The following NICN1 variants were observed in gnomAD, a reference collection of about 807,000 sequenced individuals.
NICN1 encodes nicolin-1.
Under a neutral mutation model 26.3 loss-of-function variants are expected in NICN1, and 18 were observed. That is an observed-to-expected ratio of 0.68 (90% CI 0.47 to 1.01). The LOEUF (loss-of-function observed/expected upper bound fraction) is 1.01, where lower values mean the gene tolerates loss of function less well. NICN1 is among the 50% of genes least tolerant of loss of function. The pLI, the probability that NICN1 is intolerant of heterozygous loss-of-function variation, is 0.00. For missense variants in NICN1, 239 were observed against 278.3 expected, an observed-to-expected ratio of 0.86 and a Z score of 1.00; for synonymous variants, 109 against 111.0, an observed-to-expected ratio of 0.98 and a Z score of 0.11.
intron 1 of NICN1, among the ~76,000 whole-genome samples, chr3:49,427,872 G>T (rs931090279): frequency 1.3e-5 from 2 of 152,000 alleles, no homozygotes; most frequent in East Asian, 3.9e-4. Flanking sequence ...TCCAAGGTTG[G>T]GCTCTTTAAT....
At chr3:49,427,695 A>G (rs2049186617) in intron 1 of NICN1, among the ~76,000 whole-genome samples, 1 of 152,096 alleles carries the variant, frequency 6.6e-6, no homozygotes, top group Non-Finnish European at 1.5e-5. Flanking sequence ...TAGCATATAC[A>G]AATAATTACC....
Position 49,422,423 on chromosome 3 carries a change from G to C in NICN1, c.*2410C>G, listed in dbSNP as rs774408322. Reference sequence around the variant, plus strand: ...AATGCCTGCAGGCGAAAGCCCAGACGGGCCACCACACTTACAGCCCTCTGC... The same window carrying C: ...AATGCCTGCAGGCGAAAGCCCAGACCGGCCACCACACTTACAGCCCTCTGC... On this transcript the variant is annotated 3_prime_UTR_variant, in exon 6 of 6. Coordinates refer to ENST00000273598, the MANE Select transcript of NICN1 (RefSeq NM_032316.3). The C allele has an allele frequency of 5.0e-6, 8 of 1,613,304 alleles. No individual in the cohort carries two copies. In the Admixed American group the frequency reaches 6.7e-5, roughly 13 times the overall value.
In NICN1 at chr3:49,424,699, T is replaced by C. The variant is rs2049156342; in HGVS notation, c.*134A>G. 1.4e-5 allele frequency: 11 copies of C among 762,748 alleles called. No homozygotes were observed. The highest frequency in any genetic ancestry group is 3.6e-4 in the Middle Eastern group (1 of 2,812). The allele number at this position is 762,748 out of a possible 1,614,324, so 47.2% of individuals were successfully genotyped here. On this transcript the variant is annotated 3_prime_UTR_variant, in exon 6 of 6. Coordinates refer to ENST00000273598, the MANE Select transcript of NICN1 (RefSeq NM_032316.3). The stretch of plus-strand genomic sequence containing the variant: ...GGTAAGCCCCTGAGAATCCTGAATC[T>C]GTGAATGTGGCCCAGACAGAACAGG...
In NICN1 at chr3:49,423,804, G is replaced by C. The variant is rs763052849; in HGVS notation, c.*1029C>G. ...AGGGGCAACTGGGAGAAAGGATAGAGATGTGCTTTGGGCTATGTCAGATGG... is the reference window on the plus strand; with the variant it reads ...AGGGGCAACTGGGAGAAAGGATAGACATGTGCTTTGGGCTATGTCAGATGG... On this transcript the variant is annotated 3_prime_UTR_variant, in exon 6 of 6. Transcript: ENST00000273598. The C allele has an allele frequency of 6.6e-6, 1 of 152,024 alleles. No homozygotes were observed. Among genetic ancestry groups the C allele is most frequent in the Non-Finnish European group, 1.5e-5 (1 of 68,042 alleles). 9.4% of individuals were successfully genotyped at this position (152,024 alleles called of 1,614,324 possible). A position where few individuals can be genotyped will look rare whatever the true frequency, so the allele number is the denominator to read the frequency against.
Position 49,422,650 on chromosome 3 carries a change from C to A in NICN1, c.*2183G>T, listed in dbSNP as rs1230739888. 4 of 708,042 alleles carry A rather than the reference C, an allele frequency of 5.6e-6. No homozygotes were observed. Among genetic ancestry groups the A allele is most frequent in the Non-Finnish European group, 1.0e-5 (4 of 393,638 alleles). The allele number at this position is 708,042 out of a possible 1,614,324, so 43.9% of individuals were successfully genotyped here. A position where few individuals can be genotyped will look rare whatever the true frequency, so the allele number is the denominator to read the frequency against. Reference sequence around the variant, plus strand: ...GCAACCACAGGGAAGAAGCCTCCAGCTCTTTCGGCTGACTCTTCAGGGCAG... The same window carrying A: ...GCAACCACAGGGAAGAAGCCTCCAGATCTTTCGGCTGACTCTTCAGGGCAG... On this transcript the variant is annotated 3_prime_UTR_variant, in exon 6 of 6. Coordinates refer to ENST00000273598, the MANE Select transcript of NICN1 (RefSeq NM_032316.3).
Position 49,425,413 on chromosome 3 carries a change from C to A in NICN1, c.449G>T (p.Trp150Leu). The A allele has an allele frequency of 6.2e-7, 1 of 1,613,106 alleles. No homozygotes were observed. Among genetic ancestry groups the A allele is most frequent in the South Asian group, 1.1e-5 (1 of 90,744 alleles). ...CTCACAGGGCACTGGGTGGGAGAGCCACTTGGGAAAGGTCACGGAGGGGCT... is the reference window on the plus strand; with the variant it reads ...CTCACAGGGCACTGGGTGGGAGAGCAACTTGGGAAAGGTCACGGAGGGGCT... ...PKSPSVTFPK[W>L]LSHPVPCEQP... The change falls in exon 4 of 6, where the codon TGG (tryptophan) becomes TTG (leucine). Residue 150 changes from tryptophan (W) to leucine (L), a missense_variant. By Grantham distance (61) the Trp-to-Leu change is moderately conservative. Transcript: ENST00000273598.
At chr3:49,427,827 G>C (rs1312928597) in intron 1 of NICN1, among the ~76,000 whole-genome samples, 1 of 152,070 alleles carries the variant, frequency 6.6e-6, no homozygotes, top group Non-Finnish European at 1.5e-5. Context: ...CAAATAAATT[G>C]TCCTGGCTTC....
chr3:49,425,450 A>G lies in NICN1; in HGVS notation c.424-12T>C. On this transcript the variant is annotated splice_polypyrimidine_tract_variant and intron_variant, in intron 3 of 5. Transcript: ENST00000273598. ...GTCACGGAGGGGCTCTGCAAAGCAA[A>G]GATGTACTGCCCTGAGTGAGACAAA... 6.2e-7 allele frequency: 1 copy of G among 1,604,978 alleles called. No homozygotes were observed. The highest frequency in any genetic ancestry group is 2.2e-5 in the East Asian group (1 of 44,714).
In NICN1 at chr3:49,423,819, A is replaced by G. The variant is rs1385551244; in HGVS notation, c.*1014T>C. The G allele has an allele frequency of 6.6e-6, 1 of 151,928 alleles. No homozygotes were observed. The highest frequency in any genetic ancestry group is 1.5e-5 in the Non-Finnish European group (1 of 68,000). The allele number at this position is 151,928 out of a possible 1,614,324, so 9.4% of individuals were successfully genotyped here. A position where few individuals can be genotyped will look rare whatever the true frequency, so the allele number is the denominator to read the frequency against. Reference sequence around the variant, plus strand: ...AAAGGATAGAGATGTGCTTTGGGCTATGTCAGATGGCAGAAGGGTCCCAGT... The same window carrying G: ...AAAGGATAGAGATGTGCTTTGGGCTGTGTCAGATGGCAGAAGGGTCCCAGT... On this transcript the variant is annotated 3_prime_UTR_variant, in exon 6 of 6. Transcript: ENST00000273598.
Position 49,423,971 on chromosome 3 carries a change from T to G in NICN1, c.*862A>C, listed in dbSNP as rs2049147331. Reference sequence around the variant, plus strand: ...TTCAAGAGATTCTCCTGCCTCAGCCTCCCAAGTAGCTGGGATTACAGGTGC... The same window carrying G: ...TTCAAGAGATTCTCCTGCCTCAGCCGCCCAAGTAGCTGGGATTACAGGTGC... On this transcript the variant is annotated 3_prime_UTR_variant, in exon 6 of 6. Coordinates refer to ENST00000273598, the MANE Select transcript of NICN1 (RefSeq NM_032316.3). 1 of 152,050 alleles carries G rather than the reference T, an allele frequency of 6.6e-6. No individual in the cohort carries two copies. The highest frequency in any genetic ancestry group is 1.5e-5 in the Non-Finnish European group (1 of 68,060). 9.4% of individuals were successfully genotyped at this position (152,050 alleles called of 1,614,324 possible).
chr3:49,428,675 C>T lies in NICN1; in HGVS notation c.132+433G>A, dbSNP rs572739130. On this transcript the variant is annotated intron_variant, in intron 1 of 5. Transcript: ENST00000273598. ...GGCAGAGGTTGCGGTGAGCCGAGAT[C>T]GTGCCATTGCACTCCAGCCTGGGCA... 1.3e-4 allele frequency among the ~76,000 whole-genome samples: 19 copies of T among 148,478 alleles called. No homozygotes were observed. The South Asian group carries it at 3.8e-3, about 30-fold the overall frequency.
In NICN1 at chr3:49,429,213, A is replaced by C. The variant is rs766321646; in HGVS notation, c.27T>G (p.His9Gln). ...CCTGGAGGGCTACGGAGCCTTTCACATGGCAAGGCACCAAAACGCGGGACA... is the reference window on the plus strand; with the variant it reads ...CCTGGAGGGCTACGGAGCCTTTCACCTGGCAAGGCACCAAAACGCGGGACA... MSRVLVPC[H>Q]VKGSVALQVG... is the part of the protein sequence containing the mutation. Residue 9 changes from histidine to glutamine, a missense_variant, in exon 1 of 6, where the codon CAT becomes CAG. Transcript: ENST00000273598. 6 of 1,608,086 alleles carry C rather than the reference A, an allele frequency of 3.7e-6. No individual in the cohort carries two copies. Among genetic ancestry groups the C allele is most frequent in the Admixed American group, 3.4e-5 (2 of 59,464 alleles).
Position 49,426,303 on chromosome 3 carries a change from G to A in NICN1, c.258C>T (p.Asp86=). ...CCTGGGCTCCCTCCTCACTGTGTGGGTCAGGCATTAGGCAGTAGTCCCGCA... is the reference window on the plus strand; with the variant it reads ...CCTGGGCTCCCTCCTCACTGTGTGGATCAGGCATTAGGCAGTAGTCCCGCA... ...TCLRDYCLMP[D]PHSEEGAQEY... Residue 86 remains aspartate, a synonymous_variant, in exon 2 of 6, where the codon GAC becomes GAT. Coordinates refer to ENST00000273598, the MANE Select transcript of NICN1 (RefSeq NM_032316.3). 2.5e-6 allele frequency: 4 copies of A among 1,614,240 alleles called. No individual in the cohort carries two copies. The highest frequency in any genetic ancestry group is 3.4e-6 in the Non-Finnish European group (4 of 1,180,050).
At chr3:49,427,435 G>A (rs1340191887) in intron 1 of NICN1, among the ~76,000 whole-genome samples, 1 of 151,714 alleles carries the variant, frequency 6.6e-6, no homozygotes, top group Non-Finnish European at 1.5e-5. Flanking sequence ...AAGTTCAGGA[G>A]TTCGAGACCA....
At position 49,422,799 on chromosome 3, in the gene NICN1, C is replaced by G; in HGVS notation, c.*2034G>C. Reference sequence around the variant, plus strand: ...AAAGGGCTGAAAGGTCTGAATCATACCTTTAGGACCTCAAGAGAGTAAGGT... The same window carrying G: ...AAAGGGCTGAAAGGTCTGAATCATAGCTTTAGGACCTCAAGAGAGTAAGGT... On this transcript the variant is annotated 3_prime_UTR_variant, in exon 6 of 6. Transcript: ENST00000273598. 4.9e-6 allele frequency: 2 copies of G among 408,496 alleles called. No homozygotes were observed. Among genetic ancestry groups the G allele is most frequent in the South Asian group, 4.2e-5 (2 of 48,170 alleles). 25.3% of individuals were successfully genotyped at this position (408,496 alleles called of 1,614,324 possible). A position where few individuals can be genotyped will look rare whatever the true frequency, so the allele number is the denominator to read the frequency against.
chr3:49,426,426 C>A lies in NICN1; in HGVS notation c.135G>T (p.Leu45Phe). Residue 45 changes from leucine to phenylalanine, a missense_variant and splice_region_variant, in exon 2 of 6, where the codon TTG becomes TTT. Coordinates refer to ENST00000273598, the MANE Select transcript of NICN1 (RefSeq NM_032316.3). ...AGTAATTCTTAAACGTGATTTCCTG[C>A]AACTAGAACACATACAACCCATTAC... ...VTFPSVAPFE[L>F]QEITFKNYYT... 1 of 1,613,724 alleles carries A rather than the reference C, an allele frequency of 6.2e-7. No homozygotes were observed. The highest frequency in any genetic ancestry group is 8.5e-7 in the Non-Finnish European group (1 of 1,179,734).
chr3:49,422,735 C>G lies in NICN1; in HGVS notation c.*2098G>C, dbSNP rs989274462. 1.4e-5 allele frequency: 8 copies of G among 557,160 alleles called. No individual in the cohort carries two copies. The highest frequency in any genetic ancestry group is 2.8e-5 in the Admixed American group (1 of 36,334). The allele number at this position is 557,160 out of a possible 1,614,324, so 34.5% of individuals were successfully genotyped here. ...ACAAAGCTAGGGGCTAGACCGCCCC[C>G]TGCAGAACCGCCCTGTCTCCAGAGG... On this transcript the variant is annotated 3_prime_UTR_variant, in exon 6 of 6. Coordinates refer to ENST00000273598, the MANE Select transcript of NICN1 (RefSeq NM_032316.3).
At position 49,426,342 on chromosome 3, in the gene NICN1, C is replaced by A; in HGVS notation, c.219G>T (p.Lys73Asn). The change falls in exon 2 of 6, where the codon AAG becomes AAT. Residue 73 changes from lysine (K) to asparagine (N), a missense_variant. Coordinates refer to ENST00000273598, the MANE Select transcript of NICN1 (RefSeq NM_032316.3). ...RQYTSAHTPA[K>N]WVTCLRDYCL... ...AGTAGTCCCGCAGGCAGGTCACCCA[C>A]TTGGCAGGTGTGTGTGCTGAGGTGT... 1 of 1,614,210 alleles carries A rather than the reference C, an allele frequency of 6.2e-7. No individual in the cohort carries two copies. The highest frequency in any genetic ancestry group is 8.5e-7 in the Non-Finnish European group (1 of 1,180,034).
At chr3:49,426,074 G>A (rs1166856034) in intron 2 of NICN1, 78 bp from the exon 3 acceptor site, 2 of 1,145,376 alleles carry the variant, frequency 1.7e-6, no homozygotes, top group Non-Finnish European at 2.6e-6. Flanking sequence ...GAGCCAGAAT[G>A]CTGCCCACCC....
Sources: allele counts gnomAD v4.1 joint callset (sites outside exome capture counted in the v4.1 genomes callset), GRCh38; gene constraint gnomAD v4.1.1; transcripts MANE v1.5; gene names NCBI Gene and HGNC (gene_info 2026-07-23, HGNC 2026-07-21).